Variants in TF observed in about 807,000 individuals in gnomAD.
The protein encoded by TF is transferrin.
A neutral mutation model predicts 82.4 loss-of-function variants in TF; 55 were observed. The observed-to-expected ratio is 0.67, with a 90% confidence interval of 0.54 to 0.84. The LOEUF (loss-of-function observed/expected upper bound fraction) is 0.84. Ranked by LOEUF, TF falls within the 40% of genes least tolerant of loss-of-function variation. The pLI is 0.00. For missense variants in TF, 737 were observed against 868.4 expected, an observed-to-expected ratio of 0.85 and a Z score of 1.90; for synonymous variants, 332 against 332.6, an observed-to-expected ratio of 1.00 and a Z score of 0.02.
chr3:133,683,786 A>G, the TF span, among the ~76,000 whole-genome samples: 1 of 152,226 alleles, frequency 6.6e-6, no homozygotes, highest in African/African-American at 2.4e-5. Context: ...AACATTAGAC[A>G]GATCAACGAG....
chr3:133,729,612 G>A, the TF span, among the ~76,000 whole-genome samples: 7 of 152,294 alleles, frequency 4.6e-5, no homozygotes, highest in East Asian at 1.2e-3. Context: ...TGCACTTCCC[G>A]AGTGAGGCAA....
chr3:133,696,970 A>G, the TF span, among the ~76,000 whole-genome samples: 1 of 152,202 alleles, frequency 6.6e-6, no homozygotes, highest in African/African-American at 2.4e-5. Context: ...GTATATATTC[A>G]CTGTGCTAAG....
chr3:133,726,785 G>T, the TF span, among the ~76,000 whole-genome samples: 1 of 152,032 alleles, frequency 6.6e-6, no homozygotes. Flanking sequence ...GCTTTCTCTT[G>T]TGGGCATTTA....
intron 3 of TF, 146 bp downstream of exon 3, chr3:133,753,849 G>A: frequency 1.3e-6 from 1 of 741,648 alleles, no homozygotes; most frequent in Non-Finnish European, 2.4e-6. Context: ...CCTGTCAGCT[G>A]CCACAGCCAC....
intron 1 of TF, chr3:133,748,156 C>A (rs1933556797): frequency 9.2e-6 from 5 of 541,622 alleles, no homozygotes; most frequent in Non-Finnish European, 1.7e-5. Flanking sequence ...TCATCTCCAG[C>A]TGGGAGGTGA....
chr3:133,666,838 C>T, the TF span, among the ~76,000 whole-genome samples: 1 of 152,006 alleles, frequency 6.6e-6, no homozygotes, highest in East Asian at 1.9e-4. Context: ...AGATCGAGAC[C>T]ATCCTGGCTA....
chr3:133,682,882 A>G, the TF span, among the ~76,000 whole-genome samples: 4 of 152,192 alleles, frequency 2.6e-5, no homozygotes, highest in Non-Finnish European at 5.9e-5. Flanking sequence ...CCTCAAGAAA[A>G]GCATCTCCAA....
At chr3:133,767,206 T>C (rs1232985814) in intron 12 of TF, among the ~76,000 whole-genome samples, 2 of 152,206 alleles carry the variant, frequency 1.3e-5, no homozygotes, top group Non-Finnish European at 2.9e-5. Flanking sequence ...CCTCATTTTC[T>C]ATGTCCTCTG....
At position 133,795,095 on chromosome 3, in the gene TF, A is replaced by AC. The variant is rs1210901467; in HGVS notation, c.*16475_*16476insC. On this transcript the variant is annotated 3_prime_UTR_variant, in exon 17 of 17. Transcript: ENST00000402696. ...AATAGAGTTGGCTAAACAGAAGAGT[A>AC]TCTGTGCAGCTGCTGGCACTCATGG... The AC allele has an allele frequency of 2.0e-5, 3 of 152,262 alleles. No homozygotes were observed. Among genetic ancestry groups the AC allele is most frequent in the South Asian group, 2.1e-4 (1 of 4,828 alleles). The allele number at this position is 152,262 out of a possible 1,614,324, so 9.4% of individuals were successfully genotyped here. A position where few individuals can be genotyped will look rare whatever the true frequency, so the allele number is the denominator to read the frequency against.
At chr3:133,702,460 C>T in the TF span, among the ~76,000 whole-genome samples, 2 of 151,826 alleles carry the variant, frequency 1.3e-5, no homozygotes, top group Non-Finnish European at 2.9e-5. Flanking sequence ...TAAAATATTA[C>T]AATAAATAAA....
the TF span, among the ~76,000 whole-genome samples, chr3:133,686,679 C>A: frequency 2.0e-5 from 3 of 152,224 alleles, no homozygotes; most frequent in East Asian, 5.8e-4. Context: ...GAATGGCGAT[C>A]ATTAAAAAGT....
the TF span, among the ~76,000 whole-genome samples, chr3:133,663,427 G>T: frequency 4.2e-5 from 6 of 141,350 alleles, 1 homozygote; most frequent in East Asian, 2.1e-4. Flanking sequence ...AAGGCCTATT[G>T]CTGGGGGAAG....
chr3:133,740,393 A>G, the TF span, among the ~76,000 whole-genome samples: 1 of 152,016 alleles, frequency 6.6e-6, no homozygotes, highest in Non-Finnish European at 1.5e-5. Flanking sequence ...GCATGATCTC[A>G]GCTCACTGCA....
upstream of TF, chr3:133,746,096 C>T: frequency 2.3e-6 from 1 of 443,948 alleles, no homozygotes; most frequent in Non-Finnish European, 4.2e-6. Context: ...GAGTCAGGAG[C>T]AGAGCCCCCC....
At position 133,766,440 on chromosome 3, in the gene TF, G is replaced by A. The variant is rs1176572049; in HGVS notation, c.1486+7G>A. ...ATCAACCACTGCAGATTTGGTGAGT[G>A]AATATTGGGAAGGAGGGCTGGTGAG... On this transcript the variant is annotated splice_region_variant and intron_variant, in intron 12 of 16. Coordinates refer to ENST00000402696, the MANE Select transcript of TF (RefSeq NM_001063.4). The A allele has an allele frequency of 6.2e-7, 1 of 1,614,126 alleles. No homozygotes were observed. Among genetic ancestry groups the A allele is most frequent in the Non-Finnish European group, 8.5e-7 (1 of 1,179,990 alleles).
chr3:133,663,596 T>C, the TF span, among the ~76,000 whole-genome samples: 18 of 152,178 alleles, frequency 1.2e-4, no homozygotes, highest in Non-Finnish European at 2.4e-4. Flanking sequence ...CTGCTCACAC[T>C]ATTCCCGTTT....
Position 133,782,334 on chromosome 3 carries a change from T to C in TF, c.*3714T>C, listed in dbSNP as rs1934531146. 6.6e-6 allele frequency: 1 copy of C among 152,146 alleles called. No homozygotes were observed. The highest frequency in any genetic ancestry group is 2.1e-4 in the South Asian group (1 of 4,826). 9.4% of individuals were successfully genotyped at this position (152,146 alleles called of 1,614,324 possible). On this transcript the variant is annotated 3_prime_UTR_variant, in exon 17 of 17. Coordinates refer to ENST00000402696, the MANE Select transcript of TF (RefSeq NM_001063.4). ...GAGATAGCCACCTTGTAGAGATAAA[T>C]GTGATCCCACGTTCATTGCAGCATT...
At chr3:133,680,152 T>C in the TF span, among the ~76,000 whole-genome samples, 1 of 152,198 alleles carries the variant, frequency 6.6e-6, no homozygotes, top group African/African-American at 2.4e-5. Flanking sequence ...CCATTTTTTT[T>C]AAATGATGGG....
the TF span, among the ~76,000 whole-genome samples, chr3:133,677,863 A>AT: frequency 2.6e-5 from 4 of 150,990 alleles, no homozygotes; most frequent in Middle Eastern, 3.4e-3. Context: ...TAAAAAAAAA[A>AT]TTTTTTTATT....
Sources: gnomAD v4.1 joint callset for allele counts (sites outside exome capture counted in the v4.1 genomes callset) on GRCh38, gnomAD v4.1.1 for gene constraint, MANE v1.5 for transcripts, NCBI Gene and HGNC (gene_info 2026-07-23, HGNC 2026-07-21) for gene names.